ATF6B: variants seen among roughly 807,000 people sequenced by gnomAD.
The protein encoded by ATF6B is cyclic AMP-dependent transcription factor ATF-6 beta.
Under a neutral mutation model 83.5 loss-of-function variants are expected in ATF6B, and 50 were observed. That is an observed-to-expected ratio of 0.60 (90% CI 0.48 to 0.76). ATF6B has a LOEUF of 0.76. Among genes scored for constraint, ATF6B ranks in the 30% least tolerant of loss-of-function variants. ATF6B has a pLI of 0.00. For missense variants in ATF6B, 790 were observed against 893.8 expected (o/e 0.88, Z 1.48); for synonymous variants, 344 against 362.8 (o/e 0.95, Z 0.59).
Position 32,119,146 on chromosome 6 carries a change from G to C in ATF6B, c.967-5C>G, listed in dbSNP as rs1189095045. 1.2e-6 allele frequency: 2 copies of C among 1,606,044 alleles called. No individual in the cohort carries two copies. The highest frequency in any genetic ancestry group is 1.3e-5 in the African/African-American group (1 of 74,566). On this transcript the variant is annotated splice_polypyrimidine_tract_variant and splice_region_variant and intron_variant, in intron 9 of 17. Coordinates refer to ENST00000375203, the MANE Select transcript of ATF6B (RefSeq NM_004381.5). The surrounding 1 kb of genome is among the most constrained non-coding windows in gnomAD (Gnocchi z 4.9). ...CTGCCGCTTCAGCAGCTTTGCCTAGGCACCCGGAAGGTCAAAAAAGAATGA... is the reference window on the plus strand; with the variant it reads ...CTGCCGCTTCAGCAGCTTTGCCTAGCCACCCGGAAGGTCAAAAAAGAATGA...
chr6:32,119,240 C>A lies in ATF6B; in HGVS notation c.967-99G>T. 1 of 1,415,862 alleles carries A rather than the reference C, an allele frequency of 7.1e-7. No individual in the cohort carries two copies. Among genetic ancestry groups the A allele is most frequent in the South Asian group, 1.4e-5 (1 of 73,736 alleles). 87.7% of individuals were successfully genotyped at this position (1,415,862 alleles called of 1,614,324 possible). On this transcript the variant is annotated intron_variant, in intron 9 of 17. Coordinates refer to ENST00000375203, the MANE Select transcript of ATF6B (RefSeq NM_004381.5). The surrounding 1 kb of genome is among the most constrained non-coding windows in gnomAD (Gnocchi z 4.9). The stretch of plus-strand genomic sequence containing the variant: ...AATGATTTACCCAAAGCTCACATGG[C>A]CATTCCCCTGCCTTCCTGACCCACC...
chr6:32,120,727 C>T (rs764446128), intron 8 of ATF6B, 44 bp downstream of exon 8: 23 of 1,593,786 alleles, frequency 1.4e-5, no homozygotes, highest in East Asian at 2.3e-5. Flanking sequence ...CTGGGATTAC[C>T]GGCGTGAGCC....
chr6:32,117,610 G>A lies in ATF6B; in HGVS notation c.1509C>T (p.His503=), dbSNP rs529777945. The change falls in exon 13 of 18, where the codon CAC becomes CAT. Residue 503 remains histidine, a synonymous_variant. Transcript: ENST00000375203. The surrounding 1 kb of genome is among the most constrained non-coding windows in gnomAD (Gnocchi z 5.0). ...ACCTCAGGGACTCAGTGCGGTTGAAGTGCCGGCAATCAGAGGAGAGGAAGA... is the reference window on the plus strand; with the variant it reads ...ACCTCAGGGACTCAGTGCGGTTGAAATGCCGGCAATCAGAGGAGAGGAAGA... ...DQLFLSSDCR[H]FNRTESLRLA... The A allele has an allele frequency of 1.2e-6, 2 of 1,614,210 alleles. No individual in the cohort carries two copies. The highest frequency in any genetic ancestry group is 2.2e-5 in the East Asian group (1 of 44,890).
Position 32,128,002 on chromosome 6 carries a change from C to A in ATF6B, c.91+115G>T. ...TGCACAACGAGCCCCCTGCTCCGCT[C>A]TCCTTCAGATGGCGGATTCCGTATT... On this transcript the variant is annotated intron_variant, in intron 1 of 17. Coordinates refer to ENST00000375203, the MANE Select transcript of ATF6B (RefSeq NM_004381.5). The A allele has an allele frequency of 3.1e-6, 4 of 1,291,096 alleles. No homozygotes were observed. The Middle Eastern group carries it at 6.0e-4, about 192-fold the overall frequency. The allele number at this position is 1,291,096 out of a possible 1,614,324, so 80.0% of individuals were successfully genotyped here. A position where few individuals can be genotyped will look rare whatever the true frequency, so the allele number is the denominator to read the frequency against.
chr6:32,125,419 T>C lies in ATF6B; in HGVS notation c.478+698A>G, dbSNP rs1353549491. Among the ~76,000 whole-genome samples the C allele has an allele frequency of 1.3e-5, 2 of 152,226 alleles. No homozygotes were observed. Among genetic ancestry groups the C allele is most frequent in the African/African-American group, 4.8e-5 (2 of 41,452 alleles). On this transcript the variant is annotated intron_variant, in intron 5 of 17. Transcript: ENST00000375203. The surrounding 1 kb of genome is among the most constrained non-coding windows in gnomAD (Gnocchi z 4.1). ...TTAAAAATAGAACAAATAATGTTAA[T>C]TGTAGAATCTAGTTTAGTATATGGT...
Position 32,127,504 on chromosome 6 carries a change from A to G in ATF6B, c.188T>C (p.Leu63Pro). The change falls in exon 3 of 18, where the codon CTG becomes CCG. Residue 63 changes from leucine to proline, a missense_variant. Coordinates refer to ENST00000375203, the MANE Select transcript of ATF6B (RefSeq NM_004381.5). Reference sequence around the variant, plus strand: ...GGGGCTGACATCCATCCCCACGTCCAGGGAGCTGCCGTCAAACTAAATAAG... The same window carrying G: ...GGGGCTGACATCCATCCCCACGTCCGGGGAGCTGCCGTCAAACTAAATAAG... The part of the protein sequence containing the change: ...EQDVPFDGSS[L>P]DVGMDVSPSE... 1 of 1,613,500 alleles carries G rather than the reference A, an allele frequency of 6.2e-7. No individual in the cohort carries two copies. Among genetic ancestry groups the G allele is most frequent in the Middle Eastern group, 1.7e-4 (1 of 6,056 alleles).
In ATF6B at chr6:32,119,151, C is replaced by T. The variant is rs1425004090; in HGVS notation, c.967-10G>A. The T allele has an allele frequency of 1.1e-5, 18 of 1,601,794 alleles. No individual in the cohort carries two copies. The highest frequency in any genetic ancestry group is 3.5e-5 in the Admixed American group (2 of 57,170). On this transcript the variant is annotated splice_polypyrimidine_tract_variant and intron_variant, in intron 9 of 17. Coordinates refer to ENST00000375203, the MANE Select transcript of ATF6B (RefSeq NM_004381.5). The surrounding 1 kb of genome is among the most constrained non-coding windows in gnomAD (Gnocchi z 4.9). Reference sequence around the variant, plus strand: ...GCTTCAGCAGCTTTGCCTAGGCACCCGGAAGGTCAAAAAAGAATGACAGAT... The same window carrying T: ...GCTTCAGCAGCTTTGCCTAGGCACCTGGAAGGTCAAAAAAGAATGACAGAT...
Position 32,116,767 on chromosome 6 carries a change from C to T in ATF6B, c.1734G>A (p.Gln578=). The change falls in exon 16 of 18, where the codon CAG becomes CAA. Residue 578 remains glutamine, a synonymous_variant. Transcript: ENST00000375203. This position sits in a 1 kb window ranked among gnomAD's most constrained non-coding sequence, Gnocchi z 5.1. The part of the protein sequence containing the change: ...LQLYRHPDRS[Q]PAFLDAIDRR... The stretch of plus-strand genomic sequence containing the variant: ...GGTCAATTGCATCCAAGAATGCTGG[C>T]TGCGAACGGTCTGGGTGGCGATATA... 1 of 1,614,148 alleles carries T rather than the reference C, an allele frequency of 6.2e-7. No individual in the cohort carries two copies. The highest frequency in any genetic ancestry group is 8.5e-7 in the Non-Finnish European group (1 of 1,180,036).
chr6:32,122,652 T>C (rs1781808330), intron 5 of ATF6B, among the ~76,000 whole-genome samples: 1 of 150,148 alleles, frequency 6.7e-6, no homozygotes, highest in African/African-American at 2.5e-5. Context: ...ATCGAGACCA[T>C]CCTGGCTAAC....
chr6:32,117,306 C>A lies in ATF6B; in HGVS notation c.1614+17G>T, dbSNP rs577081371. The A allele has an allele frequency of 2.2e-5, 36 of 1,611,338 alleles. 1 individual carries two copies. The highest frequency in any genetic ancestry group is 3.3e-4 in the Middle Eastern group (2 of 6,038). On this transcript the variant is annotated intron_variant, in intron 14 of 17. Transcript: ENST00000375203. The surrounding 1 kb of genome is among the most constrained non-coding windows in gnomAD (Gnocchi z 5.0). ...TTGTCTTCAAGTGGCCTTCCTTGAA[C>A]CAGCCACCCGCCCTACCTGTCTCTC...
Position 32,118,060 on chromosome 6 carries a change from G to A in ATF6B, c.1245-22C>T. ...GATGCTGTGGATAAAGAAGGACTGAGCACAATGAAGAATTTCAGCTGTATC... is the reference window on the plus strand; with the variant it reads ...GATGCTGTGGATAAAGAAGGACTGAACACAATGAAGAATTTCAGCTGTATC... On this transcript the variant is annotated intron_variant, in intron 11 of 17. Coordinates refer to ENST00000375203, the MANE Select transcript of ATF6B (RefSeq NM_004381.5). The surrounding 1 kb of genome is among the most constrained non-coding windows in gnomAD (Gnocchi z 5.2). 6.2e-7 allele frequency: 1 copy of A among 1,613,946 alleles called. No homozygotes were observed. Among genetic ancestry groups the A allele is most frequent in the Non-Finnish European group, 8.5e-7 (1 of 1,179,908 alleles).
At chr6:32,128,037 TTCC>T (rs966062230) in intron 1 of ATF6B, 77 bp downstream of exon 1, 6 of 1,549,406 alleles carry the variant, frequency 3.9e-6, no homozygotes, top group Non-Finnish European at 5.3e-6. Context: ...TTGCCCAGAC[TTCC>T]TCTTTAGGCC....
chr6:32,127,801 G>A (rs1782050427), intron 1 of ATF6B, 51 bp from the exon 2 acceptor site: 1 of 1,581,104 alleles, frequency 6.3e-7, no homozygotes, highest in Non-Finnish European at 8.7e-7. Flanking sequence ...CCAGCCTACA[G>A]ATCGCACACA....
chr6:32,118,130 G>T lies in ATF6B; in HGVS notation c.1245-92C>A. The stretch of plus-strand genomic sequence containing the variant: ...AAGACTCTGCAGATGGACTGCTTGA[G>T]TTGCAATCTGTTATACAAGCCTGAG... On this transcript the variant is annotated intron_variant, in intron 11 of 17. Transcript: ENST00000375203. This position sits in a 1 kb window ranked among gnomAD's most constrained non-coding sequence, Gnocchi z 5.2. The T allele has an allele frequency of 6.8e-7, 1 of 1,461,964 alleles. No individual in the cohort carries two copies. The allele number at this position is 1,461,964 out of a possible 1,614,324, so 90.6% of individuals were successfully genotyped here.
Position 32,122,326 on chromosome 6 carries a change from T to C in ATF6B, c.479-978A>G, listed in dbSNP as rs139825736. Among the ~76,000 whole-genome samples the C allele has an allele frequency of 8.8e-3, 1,344 of 152,270 alleles. 23 individuals carry two copies. The highest frequency in any genetic ancestry group is 0.031 in the African/African-American group (1,273 of 41,532). ...TAAATCTGCCTTTATGACTTGTTGA[T>C]CACTCCATGAAAGAAAATGCTAGGC... On this transcript the variant is annotated intron_variant, in intron 5 of 17. Coordinates refer to ENST00000375203, the MANE Select transcript of ATF6B (RefSeq NM_004381.5).
At position 32,127,188 on chromosome 6, in the gene ATF6B, TG is replaced by T; in HGVS notation, c.256del (p.Gln86ArgfsTer2). The T allele has an allele frequency of 6.2e-7, 1 of 1,608,854 alleles. No homozygotes were observed. The highest frequency in any genetic ancestry group is 8.5e-7 in the Non-Finnish European group (1 of 1,177,914). On this transcript the variant is annotated frameshift_variant, in exon 4 of 18. Coordinates refer to ENST00000375203, the MANE Select transcript of ATF6B (RefSeq NM_004381.5). LOFTEE classifies it high-confidence loss of function. ...WELLPIFPDL[Q>X]VKSEPSSPCS... ...GGGGGAAGATGGCTCAGACTTCACC[TG>T]AAGATCTGGAGGAAAGGGAGTTAGA...
At chr6:32,122,471 G>T (rs555715776) in intron 5 of ATF6B, among the ~76,000 whole-genome samples, 18 of 152,224 alleles carry the variant, frequency 1.2e-4, no homozygotes, top group African/African-American at 4.1e-4. Context: ...CACTAAGATT[G>T]CTTTTTAAAA....
chr6:32,122,494 T>C (rs955082961), intron 5 of ATF6B, among the ~76,000 whole-genome samples: 3 of 152,180 alleles, frequency 2.0e-5, no homozygotes, highest in Non-Finnish European at 4.4e-5. Context: ...TCAATTTATA[T>C]TTTTGAATAG....
intron 5 of ATF6B, among the ~76,000 whole-genome samples, chr6:32,123,119 TA>T (rs1268880224): frequency 2.0e-5 from 3 of 148,414 alleles, no homozygotes; most frequent in African/African-American, 7.5e-5. Flanking sequence ...TCCTAGCTAT[TA>T]GGGGGGCTGA....
Sources: allele counts gnomAD v4.1 joint callset (sites outside exome capture counted in the v4.1 genomes callset), GRCh38; gene constraint gnomAD v4.1.1; non-coding constraint Gnocchi (gnomAD v3.1); transcripts MANE v1.5; gene names NCBI Gene and HGNC (gene_info 2026-07-23, HGNC 2026-07-21).